Variants in PDE8A observed in about 807,000 individuals in gnomAD.
The protein encoded by PDE8A is phosphodiesterase 8A, also known as high affinity cAMP-specific and IBMX-insensitive 3',5'-cyclic phosphodiesterase 8A.
Under a neutral mutation model 105.0 loss-of-function variants are expected in PDE8A, and 59 were observed. The ratio of observed to expected loss-of-function variants is 0.56; its 90% CI spans 0.46 to 0.70. The LOEUF is 0.70. PDE8A is among the 30% of genes least tolerant of loss of function. The probability of loss-of-function intolerance (pLI) is 0.00; values close to 1 mark genes in which losing one functional copy is unlikely to be tolerated. For missense variants in PDE8A, 1,014 were observed against 1,045.9 expected, an observed-to-expected ratio of 0.97 and a Z score of 0.42; for synonymous variants, 355 against 371.9, an observed-to-expected ratio of 0.95 and a Z score of 0.52.
chr15:85,046,528 CA>C (rs2141408607), intron 1 of PDE8A, among the ~76,000 whole-genome samples: 2 of 152,118 alleles, frequency 1.3e-5, no homozygotes, highest in Admixed American at 1.3e-4. Flanking sequence ...TTTTGAATAC[CA>C]TGTACTAGAC....
intron 6 of PDE8A, among the ~76,000 whole-genome samples, chr15:85,085,675 C>CA (rs34469124): frequency 0.18 from 20,521 of 115,052 alleles, 1,747 homozygotes; most frequent in Middle Eastern, 0.27. Context: ...GACTCTGTCT[C>CA]AAAAAAAAAA....
At chr15:85,098,409 A>G (rs528185475) in intron 9 of PDE8A, among the ~76,000 whole-genome samples, 3 of 152,086 alleles carry the variant, frequency 2.0e-5, no homozygotes, top group Non-Finnish European at 4.4e-5. Context: ...GCAGAGACCT[A>G]TCAAATTAGA....
At chr15:85,075,517 A>G (rs1005235083) in intron 3 of PDE8A, among the ~76,000 whole-genome samples, 3 of 152,240 alleles carry the variant, frequency 2.0e-5, no homozygotes, top group African/African-American at 7.2e-5. Flanking sequence ...CCTTTGGAAG[A>G]AGAGACCAAC....
intron 11 of PDE8A, among the ~76,000 whole-genome samples, chr15:85,100,832 C>T (rs562609854): frequency 6.6e-6 from 1 of 152,302 alleles, no homozygotes; most frequent in Admixed American, 6.5e-5. Context: ...TCTGTGTAGA[C>T]ACTTGGCGTG....
intron 14 of PDE8A, 66 bp from the exon 15 acceptor site, chr15:85,115,373 T>C: frequency 9.4e-7 from 1 of 1,059,974 alleles, no homozygotes; most frequent in Non-Finnish European, 1.4e-6. Flanking sequence ...GAGGACCACC[T>C]GGAGTTTCCA....
At chr15:85,083,480 T>C in intron 5 of PDE8A, 76 bp from the exon 6 acceptor site, 1 of 843,300 alleles carries the variant, frequency 1.2e-6, no homozygotes, top group Non-Finnish European at 2.0e-6. Flanking sequence ...GAGAAGTTTG[T>C]TTAAAGAGTT....
At position 85,077,467 on chromosome 15, in the gene PDE8A, A is replaced by C. The variant is rs532112980; in HGVS notation, c.546+680A>C. Among the ~76,000 whole-genome samples the C allele has an allele frequency of 2.7e-3, 418 of 152,340 alleles. 2 individuals are homozygous for C. Among genetic ancestry groups the C allele is most frequent in the Middle Eastern group, 0.017 (5 of 294 alleles). On this transcript the variant is annotated intron_variant, in intron 5 of 21. Transcript: ENST00000394553. ...TCAAGAAATCTCAAGCCATGAATTT[A>C]GTTTCAAGTTTTCTGGATGAGTAGG...
intron 20 of PDE8A, among the ~76,000 whole-genome samples, chr15:85,129,048 T>C (rs1175956419): frequency 6.6e-6 from 1 of 152,242 alleles, no homozygotes; most frequent in East Asian, 1.9e-4. Flanking sequence ...TCTCTTCATA[T>C]GGTATATCAC....
chr15:84,997,649 A>G (rs2080001461), intron 1 of PDE8A, among the ~76,000 whole-genome samples: 1 of 150,110 alleles, frequency 6.7e-6, no homozygotes. Context: ...CCGGAGTGCA[A>G]TGGTGCGATC....
chr15:84,988,143 T>G (rs2079833123), intron 1 of PDE8A, among the ~76,000 whole-genome samples: 1 of 152,238 alleles, frequency 6.6e-6, no homozygotes, highest in South Asian at 2.1e-4. Flanking sequence ...ATCATTTCCC[T>G]TTAGCAGATA....
intron 1 of PDE8A, among the ~76,000 whole-genome samples, chr15:85,001,005 G>C (rs2080058727): frequency 6.6e-6 from 1 of 152,166 alleles, no homozygotes; most frequent in Admixed American, 6.5e-5. Flanking sequence ...AGCAAATGCA[G>C]ATACCATTGT....
chr15:85,108,254 G>T (rs868043915), intron 11 of PDE8A, among the ~76,000 whole-genome samples: 1 of 152,228 alleles, frequency 6.6e-6, no homozygotes, highest in African/African-American at 2.4e-5. Flanking sequence ...CTGTACATGA[G>T]CAGGGAGAGA....
At chr15:85,099,678 A>T (rs1057348365) in intron 9 of PDE8A, 1 of 268,998 alleles carries the variant, frequency 3.7e-6, no homozygotes, top group Admixed American at 5.0e-5. Context: ...AAAAGCATCA[A>T]TGTAAAGGGT....
intron 1 of PDE8A, among the ~76,000 whole-genome samples, chr15:84,999,153 C>T (rs1299072752): frequency 1.5e-5 from 2 of 130,834 alleles, no homozygotes; most frequent in Non-Finnish European, 3.1e-5. Flanking sequence ...CGGAATCTTG[C>T]TCTGTCACCT....
chr15:85,041,474 C>T (rs1356688244), intron 1 of PDE8A, among the ~76,000 whole-genome samples: 1 of 152,190 alleles, frequency 6.6e-6, no homozygotes, highest in African/African-American at 2.4e-5. Flanking sequence ...TGTGGAGATG[C>T]ACATCCTCTT....
chr15:85,137,815 A>T lies in PDE8A; in HGVS notation c.2402A>T (p.Asp801Val), dbSNP rs763438675. Reference sequence around the variant, plus strand: ...TCTCCAGCCTTTGTAGACCTGCCTGATTTAATGCAGCATCTTGACAACAAC... The same window carrying T: ...TCTCCAGCCTTTGTAGACCTGCCTGTTTTAATGCAGCATCTTGACAACAAC... ...DAWDAFVDLP[D>V]LMQHLDNNFK... Residue 801 changes from aspartate (D) to valine (V), a missense_variant, in exon 22 of 22, where the codon GAT becomes GTT. By Grantham distance (152) the Asp-to-Val change is radical. Coordinates refer to ENST00000394553, the MANE Select transcript of PDE8A (RefSeq NM_002605.3). The T allele has an allele frequency of 3.7e-6, 6 of 1,611,930 alleles. No individual in the cohort carries two copies. Among genetic ancestry groups the T allele is most frequent in the Non-Finnish European group, 4.2e-6 (5 of 1,177,960 alleles).
At chr15:85,074,645 C>T (rs909340325) in intron 3 of PDE8A, among the ~76,000 whole-genome samples, 2 of 152,238 alleles carry the variant, frequency 1.3e-5, no homozygotes, top group African/African-American at 2.4e-5. Context: ...CCACTGTACT[C>T]CAGCCTGGTG....
Position 85,120,958 on chromosome 15 carries a change from G to C in PDE8A, c.1896G>C (p.Leu632Phe), listed in dbSNP as rs761306986. The C allele has an allele frequency of 6.2e-6, 10 of 1,613,942 alleles. No individual in the cohort carries two copies. The highest frequency in any genetic ancestry group is 8.5e-6 in the Non-Finnish European group (10 of 1,180,014). ...TAVLESHHAA[L>F]AFQLTTGDDK... ...TGCTGGAGAGCCACCATGCGGCCTT[G>C]GCCTTCCAGCTGACCACTGGAGATG... The change falls in exon 18 of 22, where the codon TTG becomes TTC. Residue 632 changes from leucine (L) to phenylalanine (F), a missense_variant. Leu to Phe is a conservative substitution (Grantham distance 22). Coordinates refer to ENST00000394553, the MANE Select transcript of PDE8A (RefSeq NM_002605.3).
chr15:85,120,143 A>C (rs1338853929), intron 17 of PDE8A: 1 of 144,010 alleles, frequency 6.9e-6, no homozygotes, highest in Non-Finnish European at 1.6e-5. Context: ...AAAAAAACAA[A>C]AAAAAAAAAC....
Sources: allele counts gnomAD v4.1 joint callset (sites outside exome capture counted in the v4.1 genomes callset), GRCh38; gene constraint gnomAD v4.1.1; transcripts MANE v1.5; gene names NCBI Gene and HGNC (gene_info 2026-07-23, HGNC 2026-07-21).